Variants in ZNF302 observed in about 807,000 individuals in gnomAD.
The protein encoded by ZNF302 is zinc finger protein 327.
A neutral mutation model predicts 10.8 loss-of-function variants in ZNF302; 12 were observed. The ratio of observed to expected loss-of-function variants is 1.11; its 90% CI spans 0.71 to 1.79. ZNF302 has a LOEUF of 1.79. Among genes scored for constraint, ZNF302 ranks in the 40% most tolerant of loss-of-function variants. ZNF302 has a pLI of 0.00. For synonymous variants in ZNF302, 178 were observed against 157.5 expected (o/e 1.13, Z -0.98); for missense variants, 461 against 471.1 (o/e 0.98, Z 0.20).
Position 34,684,478 on chromosome 19 carries a change from C to G in ZNF302, c.441C>G (p.His147Gln). 6 of 1,612,652 alleles carry G rather than the reference C, an allele frequency of 3.7e-6. No homozygotes were observed. The highest frequency in any genetic ancestry group is 5.1e-6 in the Non-Finnish European group (6 of 1,179,174). ...PQNNSAEGNS[H>Q]KYDILKKNLS... ...ACAATTCTGCTGAAGGGAATTCACA[C>G]AAATATGATATATTAAAGAAGAATT... The change falls in exon 5 of 5, where the codon CAC becomes CAG. Residue 147 changes from histidine (H) to glutamine (Q), a missense_variant. Transcript: ENST00000505242.
At chr19:34,676,392 C>T (rs1291045219), upstream of ZNF302, 1 of 152,200 alleles carries the variant, frequency 6.6e-6, no homozygotes, top group African/African-American at 2.4e-5. Context: ...AGAAGTTACC[C>T]TGTATGGTTC....
At chr19:34,676,070 C>T (rs2067933212), upstream of ZNF302, 1 of 152,228 alleles carries the variant, frequency 6.6e-6, no homozygotes, top group African/African-American at 2.4e-5. Context: ...TTTTTATTCC[C>T]TTATTTGGCC....
intron 4 of ZNF302, 81 bp from the exon 5 acceptor site, chr19:34,684,171 T>TAAA: frequency 3.4e-6 from 3 of 876,858 alleles, no homozygotes; most frequent in East Asian, 6.5e-5. Context: ...TTTCAAGAAG[T>TAAA]AAAAAAAAAA....
chr19:34,685,626 AC>A lies in ZNF302; in HGVS notation c.*390del. ...AATCCCTATACATGTGAGAAATCTT[AC>A]AGAAGAGAAGCAGTGTTTATCACGG... On this transcript the variant is annotated 3_prime_UTR_variant, in exon 5 of 5. Transcript: ENST00000505242. 9.8e-7 allele frequency: 1 copy of A among 1,023,700 alleles called. No homozygotes were observed. The highest frequency in any genetic ancestry group is 1.4e-5 in the South Asian group (1 of 71,854). The allele number at this position is 1,023,700 out of a possible 1,614,324, so 63.4% of individuals were successfully genotyped here. A position where few individuals can be genotyped will look rare whatever the true frequency, so the allele number is the denominator to read the frequency against.
chr19:34,682,639 C>G (rs2068414217), intron 2 of ZNF302, 138 bp from the exon 3 acceptor site: 2 of 1,289,138 alleles, frequency 1.6e-6, no homozygotes, highest in African/African-American at 1.5e-5. Flanking sequence ...TATTACTTAC[C>G]TGACATCACA....
chr19:34,676,788 C>T (rs1167296520), upstream of ZNF302: 1 of 152,168 alleles, frequency 6.6e-6, no homozygotes, highest in East Asian at 1.9e-4. Flanking sequence ...AGTCAATTAA[C>T]ATTTAAGTGT....
intron 4 of ZNF302, chr19:34,683,950 A>G: frequency 7.7e-7 from 1 of 1,299,106 alleles, no homozygotes; most frequent in Non-Finnish European, 9.8e-7. Flanking sequence ...CTTATTTCTG[A>G]TACTTTCCTT....
At chr19:34,679,934 A>T (rs2068250748) in intron 2 of ZNF302, 1 of 702,868 alleles carries the variant, frequency 1.4e-6, no homozygotes, top group South Asian at 1.5e-5. Context: ...CATGGCATGG[A>T]AGGTGAAGCT....
chr19:34,680,097 G>T (rs2068260080), intron 2 of ZNF302: 1 of 625,826 alleles, frequency 1.6e-6, no homozygotes, highest in Non-Finnish European at 2.9e-6. Flanking sequence ...AAGATTTCTT[G>T]AGCCCTCTGG....
At position 34,685,801 on chromosome 19, in the gene ZNF302, CAATA is replaced by C. The variant is rs2068630725; in HGVS notation, c.*568_*571del. The C allele has an allele frequency of 2.3e-6, 1 of 426,212 alleles. No individual in the cohort carries two copies. The highest frequency in any genetic ancestry group is 2.0e-5 in the African/African-American group (1 of 50,664). The allele number at this position is 426,212 out of a possible 1,614,324, so 26.4% of individuals were successfully genotyped here. The stretch of plus-strand genomic sequence containing the variant: ...ATACTGTAGAGAAATCATATGAAGT[CAATA>C]AATGTGGGAAAGCCTTTGTCAGTAT... On this transcript the variant is annotated 3_prime_UTR_variant, in exon 5 of 5. Transcript: ENST00000505242.
In ZNF302 at chr19:34,684,608, C is replaced by T. The variant is rs760394071; in HGVS notation, c.571C>T (p.Leu191Phe). The T allele has an allele frequency of 6.2e-7, 1 of 1,614,074 alleles. No individual in the cohort carries two copies. Among genetic ancestry groups the T allele is most frequent in the South Asian group, 1.1e-5 (1 of 91,086 alleles). The change falls in exon 5 of 5, where the codon CTT (leucine) becomes TTT (phenylalanine). Residue 191 changes from leucine to phenylalanine, a missense_variant. By Grantham distance (22) the Leu-to-Phe change is conservative. Transcript: ENST00000505242. ...CTTCAACCAGAGCAAATCTCTTACC[C>T]TTCCCCAGACTTGTAATAGAGAGAA... ...AAFNQSKSLT[L>F]PQTCNREKIY...
Position 34,682,810 on chromosome 19 carries a change from C to T in ZNF302, c.43C>T (p.His15Tyr). Residue 15 changes from histidine to tyrosine, a missense_variant, in exon 3 of 5, where the codon CAT (histidine) becomes TAT (tyrosine). Physicochemically the swap from His to Tyr is moderately conservative, Grantham distance 83. Transcript: ENST00000505242. ...TFSDVAIDFS[H>Y]EEWACLDSAQ... The stretch of plus-strand genomic sequence containing the variant: ...TAGTGATGTGGCTATAGACTTCTCT[C>T]ATGAAGAGTGGGCATGCCTAGATTC... 6.2e-7 allele frequency: 1 copy of T among 1,613,736 alleles called. No individual in the cohort carries two copies.
chr19:34,679,868 TAGTA>T (rs2068246738), intron 2 of ZNF302: 3 of 702,888 alleles, frequency 4.3e-6, no homozygotes, highest in South Asian at 1.5e-5. Context: ...AATGGATGCT[TAGTA>T]AGTAATTGTG....
At chr19:34,681,956 A>G (rs1425591378) in intron 2 of ZNF302, 2 of 152,186 alleles carry the variant, frequency 1.3e-5, no homozygotes, top group African/African-American at 4.8e-5. Flanking sequence ...TGCTGCTGTA[A>G]CAAATACCCC....
At position 34,678,739 on chromosome 19, in the gene ZNF302, C is replaced by T; in HGVS notation, c.-66C>T. The T allele has an allele frequency of 6.3e-7, 1 of 1,598,014 alleles. No individual in the cohort carries two copies. On this transcript the variant is annotated splice_region_variant and 5_prime_UTR_variant, in exon 2 of 5. Coordinates refer to ENST00000505242, the MANE Select transcript of ZNF302 (RefSeq NM_001289187.2). ...TTCCTGCCTTTCTGTGCCCTCAGGA[C>T]ACTGCCCATCTCTAAGATAAGAACC...
Position 34,685,600 on chromosome 19 carries a change from G to A in ZNF302, c.*363G>A. ...GTGTGGAAAAGCCTTTAGATCATAT[G>A]AATCCCTATACATGTGAGAAATCTT... On this transcript the variant is annotated 3_prime_UTR_variant, in exon 5 of 5. Coordinates refer to ENST00000505242, the MANE Select transcript of ZNF302 (RefSeq NM_001289187.2). 8.0e-7 allele frequency: 1 copy of A among 1,246,484 alleles called. No individual in the cohort carries two copies. The highest frequency in any genetic ancestry group is 1.2e-6 in the Non-Finnish European group (1 of 850,478). The allele number at this position is 1,246,484 out of a possible 1,614,324, so 77.2% of individuals were successfully genotyped here.
Position 34,685,323 on chromosome 19 carries a change from T to G in ZNF302, c.*86T>G, listed in dbSNP as rs1021464169. The G allele has an allele frequency of 6.2e-7, 1 of 1,613,730 alleles. No individual in the cohort carries two copies. Among genetic ancestry groups the G allele is most frequent in the African/African-American group, 1.3e-5 (1 of 74,890 alleles). On this transcript the variant is annotated 3_prime_UTR_variant, in exon 5 of 5. Coordinates refer to ENST00000505242, the MANE Select transcript of ZNF302 (RefSeq NM_001289187.2). ...AGATTGAAACCCTACGAATGCAGTA[T>G]ATGTGGGAAAGCCTTTAGTCATAGG...
chr19:34,682,609 C>T, intron 2 of ZNF302, 168 bp from the exon 3 acceptor site: 2 of 927,640 alleles, frequency 2.2e-6, no homozygotes, highest in South Asian at 2.0e-5. Flanking sequence ...TGTATAATTC[C>T]AACTACATAA....
At chr19:34,678,693 C>T in intron 1 of ZNF302, 44 bp from the exon 2 acceptor site, 5 of 1,276,428 alleles carry the variant, frequency 3.9e-6, no homozygotes, top group Non-Finnish European at 5.6e-6. Context: ...CAAGATAAGC[C>T]CGATTTTTCA....
Sources: gnomAD v4.1 joint callset for allele counts on GRCh38, gnomAD v4.1.1 for gene constraint, MANE v1.5 for transcripts, NCBI Gene and HGNC (gene_info 2026-07-23, HGNC 2026-07-21) for gene names.